The following SETBP1 variants were observed in gnomAD, a reference collection of about 807,000 sequenced individuals.
SETBP1 encodes SET binding protein 1.
In SETBP1, 9 loss-of-function variants were observed where a neutral mutation model predicts 101.0. The observed-to-expected ratio is 0.09, with a 90% CI of 0.05 to 0.16. The LOEUF (loss-of-function observed/expected upper bound fraction) is 0.16, where lower values mean the gene tolerates loss of function less well. Ranked by LOEUF, SETBP1 falls within the 10% of genes least tolerant of loss-of-function variation. SETBP1 has a pLI of 1.00. For synonymous variants in SETBP1, 818 were observed against 788.5 expected (o/e 1.04, Z -0.63); for missense variants, 1,858 against 2,033.8 (o/e 0.91, Z 1.66).
intron 3 of SETBP1, among the ~76,000 whole-genome samples, chr18:44,949,612 G>A (rs1333214783): frequency 6.6e-6 from 1 of 152,206 alleles, no homozygotes. Flanking sequence ...TTAAATCAAG[G>A]TAGGTCAAGA....
chr18:44,966,234 T>G (rs983609761), intron 4 of SETBP1, among the ~76,000 whole-genome samples: 1 of 152,204 alleles, frequency 6.6e-6, no homozygotes, highest in African/African-American at 2.4e-5. Context: ...TATCCACTCT[T>G]GCTGGTCTCA....
chr18:45,004,648 C>T (rs2072687312), intron 4 of SETBP1, among the ~76,000 whole-genome samples: 1 of 152,200 alleles, frequency 6.6e-6, no homozygotes, highest in African/African-American at 2.4e-5. Context: ...ACCACTCCTC[C>T]ATCTTTTAGG....
At chr18:44,913,086 C>G (rs1042546064) in intron 3 of SETBP1, among the ~76,000 whole-genome samples, 1 of 152,224 alleles carries the variant, frequency 6.6e-6, no homozygotes, top group Non-Finnish European at 1.5e-5. Context: ...ACCCACTGCT[C>G]TAAGCCCATT....
intron 3 of SETBP1, among the ~76,000 whole-genome samples, chr18:44,918,824 G>A (rs2070509253): frequency 6.6e-6 from 1 of 152,214 alleles, no homozygotes; most frequent in African/African-American, 2.4e-5. Context: ...ATGATCTTAT[G>A]TGCACTGCCA....
chr18:45,043,223 AGTCT>A (rs2073543635), intron 5 of SETBP1, among the ~76,000 whole-genome samples: 1 of 152,302 alleles, frequency 6.6e-6, no homozygotes, highest in African/African-American at 2.4e-5. Context: ...ATTTAAGATG[AGTCT>A]GTATGAATAA....
chr18:44,824,563 C>A (rs769656833), intron 2 of SETBP1, among the ~76,000 whole-genome samples: 1 of 152,104 alleles, frequency 6.6e-6, no homozygotes, highest in Non-Finnish European at 1.5e-5. Context: ...TTCCTGATTG[C>A]GCCTCTATAT....
chr18:44,729,197 G>A (rs1555673424), intron 2 of SETBP1, among the ~76,000 whole-genome samples: 1 of 152,176 alleles, frequency 6.6e-6, no homozygotes, highest in Non-Finnish European at 1.5e-5. Flanking sequence ...GTCCTAGGAG[G>A]TTGAACATTA....
At chr18:44,726,967 G>A (rs144282556) in intron 2 of SETBP1, among the ~76,000 whole-genome samples, 44 of 152,244 alleles carry the variant, frequency 2.9e-4, no homozygotes, top group African/African-American at 1.0e-3. Context: ...AGAGGATCCT[G>A]GAAAGTTTAA....
intron 3 of SETBP1, among the ~76,000 whole-genome samples, chr18:44,896,733 C>T (rs372587807): frequency 6.6e-6 from 1 of 152,174 alleles, no homozygotes; most frequent in South Asian, 2.1e-4. Context: ...GCTGGGATTA[C>T]AGGTGTGAGC....
intron 2 of SETBP1, among the ~76,000 whole-genome samples, chr18:44,778,820 A>T (rs552512676): frequency 3.3e-5 from 5 of 152,328 alleles, no homozygotes; most frequent in African/African-American, 1.2e-4. Context: ...CAGACCAGGG[A>T]TCTCTCCCCT....
At chr18:44,900,895 G>A (rs761542837) in intron 3 of SETBP1, among the ~76,000 whole-genome samples, 1 of 152,180 alleles carries the variant, frequency 6.6e-6, no homozygotes, top group African/African-American at 2.4e-5. Context: ...ACCAGGAAGG[G>A]TGTGGATTTG....
intron 2 of SETBP1, among the ~76,000 whole-genome samples, chr18:44,867,091 G>GA (rs1364276995): frequency 6.6e-6 from 1 of 152,212 alleles, no homozygotes. Context: ...GTGAAACCTA[G>GA]AAAATGTTAC....
chr18:45,048,549 C>A (rs985268767), intron 5 of SETBP1, among the ~76,000 whole-genome samples: 5 of 152,166 alleles, frequency 3.3e-5, no homozygotes, highest in African/African-American at 1.2e-4. Context: ...AGTCCCCTAC[C>A]CTTGAGGGCG....
chr18:45,008,487 G>A (rs2072774744), intron 4 of SETBP1, among the ~76,000 whole-genome samples: 1 of 152,186 alleles, frequency 6.6e-6, no homozygotes, highest in Non-Finnish European at 1.5e-5. Flanking sequence ...TGATGCTGAA[G>A]ATTCCATGCT....
At chr18:44,696,883 A>C (rs1209073882) in intron 1 of SETBP1, among the ~76,000 whole-genome samples, 6 of 152,228 alleles carry the variant, frequency 3.9e-5, no homozygotes, top group Non-Finnish European at 8.8e-5. Context: ...TTCTAAATAC[A>C]TCTGTTTCTT....
At chr18:44,729,055 G>A (rs2069776209) in intron 2 of SETBP1, among the ~76,000 whole-genome samples, 1 of 152,212 alleles carries the variant, frequency 6.6e-6, no homozygotes. Flanking sequence ...TTACCTTACA[G>A]ATCAGGGAAC....
chr18:44,808,483 G>T (rs1298616355), intron 2 of SETBP1, among the ~76,000 whole-genome samples: 1 of 152,202 alleles, frequency 6.6e-6, no homozygotes, highest in Non-Finnish European at 1.5e-5. Flanking sequence ...GTCTTCAGGG[G>T]GAGACCTGAG....
intron 4 of SETBP1, among the ~76,000 whole-genome samples, chr18:45,025,021 G>C (rs1305890707): frequency 6.6e-6 from 1 of 152,186 alleles, no homozygotes; most frequent in Non-Finnish European, 1.5e-5. Flanking sequence ...ATATGTAAGA[G>C]TTCTTTTAGA....
rs560958857 is a variant in SETBP1, at chr18:44,956,466, C to G, written c.4000+3126C>G. Among the ~76,000 whole-genome samples the G allele has an allele frequency of 3.3e-5, 5 of 152,034 alleles. No individual in the cohort carries two copies. The East Asian group carries it at 9.7e-4, about 29-fold the overall frequency. ...CTTTATCTGAGTGGAGGTGTCTATT[C>G]AGCTGGATGGTTCTGAGGGTCATGA... On this transcript the variant is annotated intron_variant, in intron 4 of 5. Transcript: ENST00000649279.
Sources: allele counts gnomAD v4.1 joint callset (sites outside exome capture counted in the v4.1 genomes callset), GRCh38; gene constraint gnomAD v4.1.1; transcripts MANE v1.5; gene names NCBI Gene and HGNC (gene_info 2026-07-23, HGNC 2026-07-21).